Variants in WDPCP observed in about 807,000 individuals in gnomAD.
WDPCP encodes WD repeat-containing and planar cell polarity effector protein fritz homolog.
WDPCP carries 71 observed loss-of-function variants against 93.1 expected under a neutral mutation model. The ratio of observed to expected loss-of-function variants is 0.76; its 90% CI spans 0.63 to 0.93. The LOEUF (loss-of-function observed/expected upper bound fraction) is 0.93. WDPCP is among the 40% of genes least tolerant of loss of function. The pLI is 0.00. For missense variants in WDPCP, 844 were observed against 887.4 expected (o/e 0.95, Z 0.62); for synonymous variants, 315 against 315.0 (o/e 1.00, Z 0.00).
rs1041541182 is a variant in WDPCP, at chr2:63,697,938, C to T, written n.309-47100G>A. On this transcript the variant is annotated intron_variant and non_coding_transcript_variant, in intron 2 of 4. Transcript: ENST00000467687. The stretch of plus-strand genomic sequence containing the variant: ...GTGCTGGGACTACAGGTATGAGTCA[C>T]CATGCCCAGCCTATGACTTTTTTTT... Among the ~76,000 whole-genome samples the T allele has an allele frequency of 1.6e-4, 23 of 146,550 alleles. 1 individual carries two copies. Among genetic ancestry groups the T allele is most frequent in the Admixed American group, 1.2e-3 (18 of 14,654 alleles).
rs1677184082 is a variant in WDPCP, at chr2:63,214,924, A to G, written c.1916-40092T>C. ...AGGAATCCAACTTACAAGGGATGGG[A>G]AGGACCACTTCAAGGAGAATTACAA... On this transcript the variant is annotated intron_variant, in intron 14 of 17. Coordinates refer to ENST00000272321, the MANE Select transcript of WDPCP (RefSeq NM_015910.7). Among the ~76,000 whole-genome samples the G allele has an allele frequency of 8.5e-5, 13 of 152,340 alleles. No homozygotes were observed. In the South Asian group the frequency reaches 2.7e-3, roughly 32 times the overall value.
chr2:63,526,648 A>G (rs2106198173), intron 1 of WDPCP, among the ~76,000 whole-genome samples: 1 of 152,236 alleles, frequency 6.6e-6, no homozygotes, highest in East Asian at 1.9e-4. Flanking sequence ...TTTGTATTTG[A>G]TGTTCTTTTA....
chr2:63,528,625 G>C (rs1435833551), intron 1 of WDPCP, among the ~76,000 whole-genome samples: 1 of 152,196 alleles, frequency 6.6e-6, no homozygotes. Context: ...TGGACTTGTA[G>C]TATAGTTTGA....
chr2:63,196,804 A>C (rs1287145343), intron 14 of WDPCP, among the ~76,000 whole-genome samples: 1 of 152,194 alleles, frequency 6.6e-6, no homozygotes, highest in Non-Finnish European at 1.5e-5. Flanking sequence ...GGAAGACATG[A>C]GTGCCTCCGA....
chr2:63,629,157 A>G (rs999062764), intron 3 of WDPCP, among the ~76,000 whole-genome samples: 32 of 152,230 alleles, frequency 2.1e-4, no homozygotes, highest in African/African-American at 7.2e-4. Context: ...AACAAAGAAA[A>G]AAGCCCATCA....
chr2:63,258,681 A>G (rs907810594), intron 14 of WDPCP, among the ~76,000 whole-genome samples: 4 of 152,206 alleles, frequency 2.6e-5, no homozygotes, highest in Non-Finnish European at 4.4e-5. Context: ...GTAAGTATCA[A>G]TATTGCTCAA....
intron 2 of WDPCP, among the ~76,000 whole-genome samples, chr2:63,492,454 GA>G (rs541006836): frequency 1.3e-5 from 2 of 149,142 alleles, no homozygotes; most frequent in African/African-American, 2.5e-5. Flanking sequence ...AAGAATCCCA[GA>G]AAAAAAATTG....
intron 1 of WDPCP, among the ~76,000 whole-genome samples, chr2:63,549,773 AC>A (rs1269577494): frequency 6.6e-6 from 1 of 152,216 alleles, no homozygotes; most frequent in Admixed American, 6.5e-5. Flanking sequence ...TCTCAAAAAA[AC>A]AAAAACAACA....
chr2:63,290,633 A>G (rs1450960703), intron 13 of WDPCP, among the ~76,000 whole-genome samples: 1 of 152,136 alleles, frequency 6.6e-6, no homozygotes, highest in Non-Finnish European at 1.5e-5. Context: ...CACTAATTTA[A>G]AAGTATCTTT....
At chr2:63,719,784 A>C (rs1183224174) in intron 2 of WDPCP, among the ~76,000 whole-genome samples, 1 of 152,152 alleles carries the variant, frequency 6.6e-6, no homozygotes, top group Non-Finnish European at 1.5e-5. Flanking sequence ...TTTATGTTAT[A>C]AAAGTTTTTA....
At chr2:63,460,281 C>G (rs1224298468) in intron 6 of WDPCP, among the ~76,000 whole-genome samples, 1 of 152,012 alleles carries the variant, frequency 6.6e-6, no homozygotes, top group Admixed American at 6.6e-5. Context: ...GAGCTAAAAG[C>G]TTGACCTCAT....
At chr2:63,387,588 C>T (rs2104968701) in intron 10 of WDPCP, among the ~76,000 whole-genome samples, 1 of 152,266 alleles carries the variant, frequency 6.6e-6, no homozygotes, top group African/African-American at 2.4e-5. Context: ...TGCCCTCTCT[C>T]ACCATTCCTG....
chr2:63,219,514 A>C (rs1168096527), intron 14 of WDPCP, among the ~76,000 whole-genome samples: 1 of 152,190 alleles, frequency 6.6e-6, no homozygotes, highest in African/African-American at 2.4e-5. Flanking sequence ...CTTCCATTTA[A>C]AAGAGTAGTC....
At chr2:63,314,705 C>G (rs1217676672) in intron 12 of WDPCP, among the ~76,000 whole-genome samples, 1 of 152,100 alleles carries the variant, frequency 6.6e-6, no homozygotes, top group East Asian at 1.9e-4. Flanking sequence ...CCCACTGTCT[C>G]CAATCTCCTC....
rs116415454 is a variant in WDPCP, at chr2:63,748,517, A to G, written n.308+65105T>C. ...AAATTTTCTCCTTTAATTTGTTAAC[A>G]TGGTGAACAACATTACTAATTTTTT... On this transcript the variant is annotated intron_variant and non_coding_transcript_variant, in intron 2 of 4. Transcript: ENST00000467687. Among the ~76,000 whole-genome samples, 1,279 of 152,172 alleles carry G rather than the reference A, an allele frequency of 8.4e-3. 23 individuals carry two copies. The highest frequency in any genetic ancestry group is 0.03 in the African/African-American group (1,246 of 41,552).
intron 1 of WDPCP, among the ~76,000 whole-genome samples, chr2:63,513,622 A>G (rs533170750): frequency 6.6e-6 from 1 of 152,310 alleles, no homozygotes; most frequent in South Asian, 2.1e-4. Flanking sequence ...CATAAAACCT[A>G]GAAAGGTTAC....
chr2:63,178,591 T>G (rs1249598346), intron 14 of WDPCP, among the ~76,000 whole-genome samples: 2 of 152,086 alleles, frequency 1.3e-5, no homozygotes, highest in Non-Finnish European at 2.9e-5. Context: ...TTGAGTCTTC[T>G]CTCTTTTTTT....
intron 2 of WDPCP, among the ~76,000 whole-genome samples, chr2:63,718,108 T>C (rs1201713698): frequency 1.3e-5 from 2 of 152,046 alleles, no homozygotes; most frequent in African/African-American, 4.8e-5. Context: ...AAATATATGA[T>C]ATGATATATA....
chr2:63,145,772 C>T (rs1671453078), intron 17 of WDPCP, among the ~76,000 whole-genome samples: 1 of 152,132 alleles, frequency 6.6e-6, no homozygotes, highest in Non-Finnish European at 1.5e-5. Context: ...ATAGAAATAG[C>T]ATTGAATCTA....
Sources: gnomAD v4.1 joint callset for allele counts (sites outside exome capture counted in the v4.1 genomes callset) on GRCh38, gnomAD v4.1.1 for gene constraint, MANE v1.5 for transcripts, NCBI Gene and HGNC (gene_info 2026-07-23, HGNC 2026-07-21) for gene names.